The following GPC5 variants were observed in gnomAD, a reference collection of about 807,000 sequenced individuals.
GPC5 encodes the protein glypican 5.
In GPC5, 47 loss-of-function variants were observed where a neutral mutation model predicts 53.9. The ratio of observed to expected loss-of-function variants is 0.87; its 90% CI spans 0.69 to 1.11. The LOEUF is 1.11. GPC5 is among the 50% of genes most tolerant of loss of function. GPC5 has a pLI of 0.00. For synonymous variants in GPC5, 286 were observed against 263.3 expected, an observed-to-expected ratio of 1.09 and a Z score of -0.84; for missense variants, 748 against 713.1, an observed-to-expected ratio of 1.05 and a Z score of -0.56.
chr13:92,233,365 A>C (rs898758876), intron 7 of GPC5, among the ~76,000 whole-genome samples: 1 of 152,220 alleles, frequency 6.6e-6, no homozygotes, highest in African/African-American at 2.4e-5. Context: ...ATATCTGTGT[A>C]TTGAGACTTA....
chr13:92,200,646 C>T (rs899836577), intron 7 of GPC5, among the ~76,000 whole-genome samples: 32 of 152,208 alleles, frequency 2.1e-4, no homozygotes, highest in African/African-American at 6.5e-4. Context: ...TATCCTCATA[C>T]CTATCTAAAA....
At chr13:91,570,937 G>A (rs569543910) in intron 2 of GPC5, among the ~76,000 whole-genome samples, 38 of 152,220 alleles carry the variant, frequency 2.5e-4, no homozygotes, top group African/African-American at 8.9e-4. Context: ...TTTCTTTTAT[G>A]CATAAAGTCA....
chr13:92,785,377 T>A (rs1159013176), intron 7 of GPC5, among the ~76,000 whole-genome samples: 3 of 152,168 alleles, frequency 2.0e-5, no homozygotes, highest in Admixed American at 6.5e-5. Context: ...ATTTTTCATA[T>A]TTCTCTCCCC....
chr13:91,937,853 C>T (rs893868428), intron 6 of GPC5, among the ~76,000 whole-genome samples: 19 of 152,018 alleles, frequency 1.2e-4, no homozygotes, highest in Non-Finnish European at 2.9e-5. Flanking sequence ...GAAGTCTAAG[C>T]ACCCTTCATT....
intron 7 of GPC5, among the ~76,000 whole-genome samples, chr13:92,683,937 A>G (rs1347149804): frequency 6.6e-6 from 1 of 152,188 alleles, no homozygotes; most frequent in Admixed American, 6.5e-5. Flanking sequence ...TCATAATTAT[A>G]TTAGGGTTCA....
At chr13:91,505,731 A>C (rs1234994573) in intron 2 of GPC5, among the ~76,000 whole-genome samples, 1 of 152,010 alleles carries the variant, frequency 6.6e-6, no homozygotes, top group Non-Finnish European at 1.5e-5. Flanking sequence ...TGTGTCCCTC[A>C]CTGTCATTTT....
chr13:92,130,796 A>G (rs999706546), intron 6 of GPC5, among the ~76,000 whole-genome samples: 2 of 152,012 alleles, frequency 1.3e-5, no homozygotes, highest in African/African-American at 4.8e-5. Context: ...GGAGAAGTGG[A>G]AAAAGTGCTA....
At chr13:91,549,378 T>A (rs2152579) in intron 2 of GPC5, among the ~76,000 whole-genome samples, 130,465 of 152,022 alleles carry the variant, frequency 0.86, 57,421 homozygotes, top group East Asian at 1. Context: ...AGGCACAATA[T>A]ATGAAAAACA....
intron 5 of GPC5, among the ~76,000 whole-genome samples, chr13:91,893,386 G>T (rs866932366): frequency 1.3e-5 from 2 of 151,834 alleles, no homozygotes; most frequent in Non-Finnish European, 2.9e-5. Context: ...AGGCATTTAG[G>T]TTTATCACTA....
At chr13:91,658,948 G>A (rs9652104) in intron 2 of GPC5, among the ~76,000 whole-genome samples, 37,086 of 152,042 alleles carry the variant, frequency 0.24, 7,882 homozygotes, top group African/African-American at 0.57. Context: ...CTCCATTTTA[G>A]TGTTATCAGG....
At chr13:92,849,668 A>C (rs1444023788) in intron 7 of GPC5, among the ~76,000 whole-genome samples, 1 of 152,220 alleles carries the variant, frequency 6.6e-6, no homozygotes, top group African/African-American at 2.4e-5. Context: ...TATTCAATCA[A>C]TGCCCAATCC....
At chr13:92,090,431 C>G (rs190552485) in intron 6 of GPC5, among the ~76,000 whole-genome samples, 1 of 151,970 alleles carries the variant, frequency 6.6e-6, no homozygotes, top group African/African-American at 2.4e-5. Flanking sequence ...AAAAGAGTCC[C>G]CAGAGAGACT....
chr13:92,754,486 C>T (rs1290515091), intron 7 of GPC5, among the ~76,000 whole-genome samples: 2 of 151,898 alleles, frequency 1.3e-5, no homozygotes, highest in African/African-American at 4.8e-5. Context: ...ACAATATTAA[C>T]TTTAAATGTA....
At chr13:92,564,315 A>G (rs1372879844) in intron 7 of GPC5, among the ~76,000 whole-genome samples, 1 of 151,932 alleles carries the variant, frequency 6.6e-6, no homozygotes, top group East Asian at 1.9e-4. Context: ...ATTCTAAGTA[A>G]TCAGTGTCCT....
At chr13:91,604,550 C>T (rs2033293903) in intron 2 of GPC5, among the ~76,000 whole-genome samples, 2 of 139,902 alleles carry the variant, frequency 1.4e-5, no homozygotes, top group East Asian at 2.2e-4. Flanking sequence ...AATGGTTGAA[C>T]TAGTTTACAG....
chr13:92,500,289 A>G (rs757290900), intron 7 of GPC5, among the ~76,000 whole-genome samples: 7 of 152,170 alleles, frequency 4.6e-5, no homozygotes, highest in Non-Finnish European at 8.8e-5. Context: ...GACCACTTAC[A>G]GACTCCCGGG....
intron 7 of GPC5, among the ~76,000 whole-genome samples, chr13:92,337,276 T>C (rs9516062): frequency 0.41 from 61,235 of 151,142 alleles, 12,506 homozygotes; most frequent in Middle Eastern, 0.52. Flanking sequence ...AACAAAACTA[T>C]GATAAAAGAA....
At chr13:92,832,173 G>A (rs911129258) in intron 7 of GPC5, among the ~76,000 whole-genome samples, 1 of 152,118 alleles carries the variant, frequency 6.6e-6, no homozygotes, top group Non-Finnish European at 1.5e-5. Flanking sequence ...AAGGATATAG[G>A]AGGAGATCAT....
At chr13:91,540,819 C>T (rs116973184) in intron 2 of GPC5, among the ~76,000 whole-genome samples, 1,586 of 151,716 alleles carry the variant, frequency 0.01, 20 homozygotes, top group Middle Eastern at 0.031. Context: ...AATATGTGGC[C>T]CAGATGACAG....
Sources: allele counts gnomAD v4.1 joint callset (sites outside exome capture counted in the v4.1 genomes callset), GRCh38; gene constraint gnomAD v4.1.1; transcripts MANE v1.5; gene names NCBI Gene and HGNC (gene_info 2026-07-23, HGNC 2026-07-21).